ARSB: variants seen among roughly 807,000 people sequenced by gnomAD.
The protein encoded by ARSB is N-acetylgalactosamine-4-sulfatase.
Under a neutral mutation model 50.9 loss-of-function variants are expected in ARSB, and 41 were observed. The ratio of observed to expected loss-of-function variants is 0.81; its 90% CI spans 0.63 to 1.04. ARSB has a LOEUF of 1.04. Ranked by LOEUF, ARSB falls within the 50% of genes least tolerant of loss-of-function variation. ARSB has a pLI of 0.00. For synonymous variants in ARSB, 269 were observed against 284.8 expected (o/e 0.94, Z 0.56); for missense variants, 672 against 693.3 (o/e 0.97, Z 0.35).
chr5:78,895,722 T>C (rs1748532496), intron 4 of ARSB, among the ~76,000 whole-genome samples: 1 of 152,230 alleles, frequency 6.6e-6, no homozygotes, highest in Admixed American at 6.5e-5. Flanking sequence ...TCATTCCTAG[T>C]AATTTTGTCA....
At chr5:78,888,967 CCTGG>C (rs1748160427) in intron 4 of ARSB, among the ~76,000 whole-genome samples, 1 of 152,252 alleles carries the variant, frequency 6.6e-6, no homozygotes, top group Non-Finnish European at 1.5e-5. Flanking sequence ...CCAAGGCTCT[CCTGG>C]CATAGCGCCA....
At chr5:78,882,847 C>T (rs1747825640) in intron 5 of ARSB, 1 of 134,182 alleles carries the variant, frequency 7.5e-6, no homozygotes, top group Admixed American at 8.6e-5. Context: ...GCAGTGGCAC[C>T]GTGTTGGCTC....
intron 1 of ARSB, among the ~76,000 whole-genome samples, chr5:78,977,781 C>G (rs1039312062): frequency 6.6e-6 from 1 of 152,036 alleles, no homozygotes; most frequent in African/African-American, 2.4e-5. Flanking sequence ...CTTCTACTTG[C>G]AGATGACATG....
intron 6 of ARSB, among the ~76,000 whole-genome samples, chr5:78,807,074 C>T (rs1355689415): frequency 2.0e-5 from 3 of 151,910 alleles, no homozygotes; most frequent in Admixed American, 1.3e-4. Context: ...CAGAGCATTC[C>T]GTGTTGGGGT....
intron 6 of ARSB, among the ~76,000 whole-genome samples, chr5:78,804,187 C>G (rs1743488146): frequency 6.6e-6 from 1 of 150,654 alleles, no homozygotes; most frequent in Non-Finnish European, 1.5e-5. Flanking sequence ...CAACTGCTCA[C>G]TGCAGATGTA....
At chr5:78,805,123 G>A (rs1027071084) in intron 6 of ARSB, among the ~76,000 whole-genome samples, 2 of 152,162 alleles carry the variant, frequency 1.3e-5, no homozygotes, top group South Asian at 2.1e-4. Context: ...ACCAACCAAC[G>A]TTGTCATGTC....
chr5:78,856,212 C>A (rs1345842607), intron 5 of ARSB, among the ~76,000 whole-genome samples: 1 of 152,258 alleles, frequency 6.6e-6, no homozygotes, highest in East Asian at 1.9e-4. Context: ...CTGATTTTAA[C>A]CCACATCTAA....
At chr5:78,816,978 C>G (rs529688575) in intron 6 of ARSB, 1 of 650,868 alleles carries the variant, frequency 1.5e-6, no homozygotes, top group East Asian at 1.4e-4. Flanking sequence ...GCCTTCAGAC[C>G]TACAGAACTG....
At chr5:78,819,488 A>C (rs1253359903) in intron 6 of ARSB, among the ~76,000 whole-genome samples, 1 of 152,240 alleles carries the variant, frequency 6.6e-6, no homozygotes, top group Non-Finnish European at 1.5e-5. Context: ...AAGATAAAAT[A>C]TGCAGTAAAT....
At chr5:78,806,637 A>G (rs540694739) in intron 6 of ARSB, among the ~76,000 whole-genome samples, 3 of 152,326 alleles carry the variant, frequency 2.0e-5, no homozygotes, top group Non-Finnish European at 4.4e-5. Context: ...TGGCCCACGC[A>G]CAGCACTCTA....
At chr5:78,956,900 C>A (rs184683224) in intron 3 of ARSB, among the ~76,000 whole-genome samples, 301 of 152,264 alleles carry the variant, frequency 2.0e-3, no homozygotes, top group African/African-American at 6.9e-3. Context: ...AATAAGCCCT[C>A]ATCTTTTAGA....
At chr5:78,908,635 C>T (rs1032474374) in intron 4 of ARSB, among the ~76,000 whole-genome samples, 1 of 152,132 alleles carries the variant, frequency 6.6e-6, no homozygotes, top group Non-Finnish European at 1.5e-5. Flanking sequence ...GTGTCAGGGC[C>T]ACCAGTCTCC....
intron 4 of ARSB, among the ~76,000 whole-genome samples, chr5:78,947,004 A>C (rs1354300618): frequency 6.6e-6 from 1 of 152,180 alleles, no homozygotes; most frequent in African/African-American, 2.4e-5. Context: ...TTTTCAACAA[A>C]AGTACCAAGA....
intron 1 of ARSB, among the ~76,000 whole-genome samples, chr5:78,981,772 A>G (rs1167268185): frequency 6.6e-6 from 1 of 152,228 alleles, no homozygotes; most frequent in Non-Finnish European, 1.5e-5. Flanking sequence ...ACTAAAACTC[A>G]GGATTTCATG....
intron 5 of ARSB, among the ~76,000 whole-genome samples, chr5:78,845,858 C>A (rs1305027963): frequency 3.3e-5 from 5 of 152,026 alleles, no homozygotes; most frequent in Non-Finnish European, 7.4e-5. Context: ...TGATTGTTTC[C>A]TTTGCTGTGC....
chr5:78,805,902 G>C (rs1359060456), intron 6 of ARSB, among the ~76,000 whole-genome samples: 3 of 152,214 alleles, frequency 2.0e-5, no homozygotes, highest in Non-Finnish European at 4.4e-5. Flanking sequence ...AGCAACACCA[G>C]GGAGAGGCAC....
chr5:78,976,183 T>C (rs939378558), intron 1 of ARSB, among the ~76,000 whole-genome samples: 11 of 151,904 alleles, frequency 7.2e-5, no homozygotes, highest in Admixed American at 4.6e-4. Context: ...GGAGACAGGC[T>C]GAAAAGATCC....
chr5:78,821,886 G>A (rs1744242988), intron 6 of ARSB, among the ~76,000 whole-genome samples: 1 of 152,186 alleles, frequency 6.6e-6, no homozygotes, highest in South Asian at 2.1e-4. Flanking sequence ...TATGGAAACT[G>A]TCACTCTTCA....
intron 6 of ARSB, among the ~76,000 whole-genome samples, chr5:78,831,171 C>T (rs536558005): frequency 2.6e-5 from 4 of 152,216 alleles, no homozygotes; most frequent in African/African-American, 4.8e-5. Flanking sequence ...TTGTTATAAT[C>T]GTTCCCAACG....
Sources: allele counts gnomAD v4.1 joint callset (sites outside exome capture counted in the v4.1 genomes callset), GRCh38; gene constraint gnomAD v4.1.1; transcripts MANE v1.5; gene names NCBI Gene and HGNC (gene_info 2026-07-23, HGNC 2026-07-21).